Variants in CORIN observed in about 807,000 individuals in gnomAD.
The protein encoded by CORIN is corin, serine peptidase, also known as atrial natriuretic peptide-converting enzyme.
Under a neutral mutation model 125.3 loss-of-function variants are expected in CORIN, and 117 were observed. The observed-to-expected ratio is 0.93, with a 90% CI of 0.80 to 1.09. The LOEUF (loss-of-function observed/expected upper bound fraction) is 1.09. CORIN is among the 50% of genes least tolerant of loss of function. CORIN has a pLI of 0.00. For synonymous variants in CORIN, 450 were observed against 466.4 expected (o/e 0.96, Z 0.45); for missense variants, 1,253 against 1,306.7 (o/e 0.96, Z 0.63).
intron 10 of CORIN, among the ~76,000 whole-genome samples, chr4:47,673,970 CA>C (rs61760495): frequency 1.3e-5 from 2 of 151,462 alleles, no homozygotes; most frequent in Non-Finnish European, 2.9e-5. Context: ...GAGTGTGTCT[CA>C]AAAAAAACAG....
intron 1 of CORIN, among the ~76,000 whole-genome samples, chr4:47,835,818 G>T (rs1733369031): frequency 6.6e-6 from 1 of 152,204 alleles, no homozygotes; most frequent in African/African-American, 2.4e-5. Flanking sequence ...GCATTATGAG[G>T]AAGGTTTCTG....
In CORIN at chr4:47,733,226, G is replaced by C. The variant is rs1727967068; in HGVS notation, c.799+11176C>G. 2.6e-5 allele frequency among the ~76,000 whole-genome samples: 4 copies of C among 152,322 alleles called. No homozygotes were observed. The South Asian group carries it at 6.2e-4, about 24-fold the overall frequency. ...CCACTTAGGTATTATTATTTCTATT[G>C]TAAAGTTGGAGCAATAGAGGTTTAA... On this transcript the variant is annotated intron_variant, in intron 5 of 21. Coordinates refer to ENST00000273857, the MANE Select transcript of CORIN (RefSeq NM_006587.4).
intron 1 of CORIN, among the ~76,000 whole-genome samples, chr4:47,819,385 GA>G (rs1210568892): frequency 6.6e-6 from 1 of 152,148 alleles, no homozygotes; most frequent in Non-Finnish European, 1.5e-5. Context: ...AAAAATTACT[GA>G]ACCTACAGAA....
At chr4:47,829,081 C>T (rs1732860693) in intron 1 of CORIN, among the ~76,000 whole-genome samples, 2 of 148,198 alleles carry the variant, frequency 1.3e-5, no homozygotes. Context: ...TAGCGTGAAC[C>T]CGGGAGGCGG....
intron 2 of CORIN, among the ~76,000 whole-genome samples, chr4:47,806,523 G>T (rs1369477053): frequency 6.6e-6 from 1 of 152,082 alleles, no homozygotes; most frequent in Admixed American, 6.6e-5. Context: ...CTTTGAATGT[G>T]CCCATGGGAC....
intron 1 of CORIN, among the ~76,000 whole-genome samples, chr4:47,835,920 T>C (rs1307809346): frequency 6.6e-6 from 1 of 152,220 alleles, no homozygotes; most frequent in Non-Finnish European, 1.5e-5. Context: ...TGTGTCTTTT[T>C]AACCCACAGG....
chr4:47,680,213 G>A lies in CORIN; in HGVS notation c.1060C>T (p.Arg354Cys), dbSNP rs774240507. The A allele has an allele frequency of 1.6e-5, 26 of 1,613,976 alleles. No individual in the cohort carries two copies. The highest frequency in any genetic ancestry group is 5.3e-5 in the African/African-American group (4 of 75,046). ...PTTEHRCGDG[R>C]CIAMEWVCDG... The stretch of plus-strand genomic sequence containing the variant: ...CACACCCACTCCATGGCGATGCAGC[G>A]CCCGTCCCCGCAGCGATGCTCTGTT... The change falls in exon 8 of 22, where the codon CGC becomes TGC. Residue 354 changes from arginine (R) to cysteine (C), a missense_variant. Transcript: ENST00000273857.
intron 4 of CORIN, among the ~76,000 whole-genome samples, chr4:47,761,508 C>CACACAT (rs397965153): frequency 2.0e-5 from 3 of 151,308 alleles, no homozygotes; most frequent in Admixed American, 6.6e-5. Context: ...CACACACACA[C>CACACAT]ATATACACAA....
At chr4:47,686,926 G>A (rs976044494) in intron 6 of CORIN, among the ~76,000 whole-genome samples, 12 of 152,026 alleles carry the variant, frequency 7.9e-5, no homozygotes, top group African/African-American at 2.9e-4. Flanking sequence ...ATTTCCAAAA[G>A]TTTATTTGTC....
At chr4:47,718,935 C>T (rs989353189) in intron 5 of CORIN, among the ~76,000 whole-genome samples, 4 of 152,172 alleles carry the variant, frequency 2.6e-5, no homozygotes, top group African/African-American at 7.2e-5. Context: ...TTTAAATGCT[C>T]TGAGATATTT....
At chr4:47,716,397 T>G (rs1363371324) in intron 5 of CORIN, among the ~76,000 whole-genome samples, 3 of 152,238 alleles carry the variant, frequency 2.0e-5, no homozygotes, top group Admixed American at 2.0e-4. Context: ...GATTGAGTGA[T>G]AACTATGAAA....
chr4:47,787,541 AC>A (rs1730876344), intron 2 of CORIN, among the ~76,000 whole-genome samples: 1 of 152,214 alleles, frequency 6.6e-6, no homozygotes, highest in South Asian at 2.1e-4. Flanking sequence ...TAAAGCACAA[AC>A]TAAAAGAAGA....
intron 5 of CORIN, among the ~76,000 whole-genome samples, chr4:47,716,993 T>C (rs1168447278): frequency 6.6e-6 from 1 of 152,136 alleles, no homozygotes; most frequent in Non-Finnish European, 1.5e-5. Flanking sequence ...ACAAACAAAA[T>C]TTCTATAGAA....
intron 5 of CORIN, among the ~76,000 whole-genome samples, chr4:47,735,773 A>G (rs1430208259): frequency 1.3e-5 from 2 of 151,944 alleles, no homozygotes; most frequent in Admixed American, 1.3e-4. Flanking sequence ...ACAAAAAATT[A>G]GCCGGAAGTG....
At chr4:47,597,809 C>T (rs1721310281) in intron 21 of CORIN, among the ~76,000 whole-genome samples, 1 of 152,178 alleles carries the variant, frequency 6.6e-6, no homozygotes, top group East Asian at 1.9e-4. Context: ...CTACTCTTTG[C>T]AAAGTTCTGT....
At chr4:47,815,837 C>T (rs930439935) in intron 1 of CORIN, among the ~76,000 whole-genome samples, 2 of 151,998 alleles carry the variant, frequency 1.3e-5, no homozygotes, top group African/African-American at 4.8e-5. Context: ...CTTGATTATT[C>T]GTTACTACAT....
At chr4:47,709,941 T>C (rs1726763079) in intron 5 of CORIN, among the ~76,000 whole-genome samples, 1 of 152,260 alleles carries the variant, frequency 6.6e-6, no homozygotes, top group Non-Finnish European at 1.5e-5. Flanking sequence ...TTTCAATAAA[T>C]TATTTCAAAA....
chr4:47,705,048 G>T (rs895074803), intron 5 of CORIN, among the ~76,000 whole-genome samples: 1 of 152,174 alleles, frequency 6.6e-6, no homozygotes, highest in African/African-American at 2.4e-5. Flanking sequence ...TTGTGATTGC[G>T]ACTGAGTAAA....
intron 2 of CORIN, among the ~76,000 whole-genome samples, chr4:47,792,312 CT>C (rs1242985693): frequency 1.3e-5 from 2 of 152,066 alleles, no homozygotes; most frequent in African/African-American, 4.8e-5. Context: ...TGGAATTTAC[CT>C]TGTGATAGAA....
Sources: allele counts gnomAD v4.1 joint callset (sites outside exome capture counted in the v4.1 genomes callset), GRCh38; gene constraint gnomAD v4.1.1; transcripts MANE v1.5; gene names NCBI Gene and HGNC (gene_info 2026-07-23, HGNC 2026-07-21).